Variants in ZFYVE9 observed in about 807,000 individuals in gnomAD.
ZFYVE9 encodes the protein zinc finger FYVE-type containing 9.
In ZFYVE9, 43 loss-of-function variants were observed where a neutral mutation model predicts 126.7. That is an observed-to-expected ratio of 0.34 (90% CI 0.27 to 0.44). ZFYVE9 has a LOEUF of 0.44. Among genes scored for constraint, ZFYVE9 ranks in the 20% least tolerant of loss-of-function variants. ZFYVE9 has a pLI of 1.00. For missense variants in ZFYVE9, 1,476 were observed against 1,697.0 expected (o/e 0.87, Z 2.29); for synonymous variants, 521 against 597.4 (o/e 0.87, Z 1.87).
intron 15 of ZFYVE9, among the ~76,000 whole-genome samples, chr1:52,337,112 GTTA>G (rs1646397296): frequency 1.3e-5 from 2 of 152,286 alleles, no homozygotes; most frequent in African/African-American, 4.8e-5. Context: ...CTATGAAATT[GTTA>G]TTGAGACTCT....
At chr1:52,253,889 C>T in intron 4 of ZFYVE9, 3 of 1,151,016 alleles carry the variant, frequency 2.6e-6, no homozygotes, top group Non-Finnish European at 4.0e-6. Flanking sequence ...GAAAGCTATA[C>T]TCCAAGCAAG....
intron 8 of ZFYVE9, among the ~76,000 whole-genome samples, chr1:52,275,272 C>T (rs1266241196): frequency 3.9e-5 from 6 of 152,042 alleles, no homozygotes; most frequent in Non-Finnish European, 1.5e-5. Flanking sequence ...GACAGGGTCT[C>T]TTTATCCAGT....
chr1:52,194,641 AAAAC>A (rs1402113333), intron 1 of ZFYVE9, among the ~76,000 whole-genome samples: 7 of 152,214 alleles, frequency 4.6e-5, no homozygotes, highest in Non-Finnish European at 7.4e-5. Context: ...TGAGGAAATA[AAAAC>A]AAACAGCATG....
intron 4 of ZFYVE9, among the ~76,000 whole-genome samples, chr1:52,263,134 T>A (rs1645596440): frequency 6.6e-6 from 1 of 151,306 alleles, no homozygotes; most frequent in Admixed American, 6.6e-5. Flanking sequence ...GAGATTGTTG[T>A]TGCCTGGTGT....
chr1:52,156,466 G>C (rs1379755339), intron 1 of ZFYVE9, among the ~76,000 whole-genome samples: 2 of 152,122 alleles, frequency 1.3e-5, no homozygotes, highest in Admixed American at 6.5e-5. Context: ...ACACAATTTT[G>C]GTTTTGATTT....
intron 1 of ZFYVE9, among the ~76,000 whole-genome samples, chr1:52,209,484 A>G (rs1360571872): frequency 6.6e-6 from 1 of 152,112 alleles, no homozygotes; most frequent in African/African-American, 2.4e-5. Context: ...ACCCATTAGT[A>G]GTCACACGCC....
chr1:52,232,362 G>A (rs1255443446), intron 2 of ZFYVE9, among the ~76,000 whole-genome samples: 2 of 152,146 alleles, frequency 1.3e-5, no homozygotes, highest in African/African-American at 4.8e-5. Flanking sequence ...TAGTGTATAT[G>A]CCCAAGGATG....
intron 13 of ZFYVE9, among the ~76,000 whole-genome samples, chr1:52,314,035 C>A (rs1646160853): frequency 6.6e-6 from 1 of 151,830 alleles, no homozygotes; most frequent in South Asian, 2.1e-4. Context: ...AGGTGGTGGA[C>A]CTAAAAAATA....
chr1:52,303,639 A>T (rs564722556), intron 12 of ZFYVE9, among the ~76,000 whole-genome samples, 182 bp from the exon 13 acceptor site: 1 of 152,340 alleles, frequency 6.6e-6, no homozygotes, highest in South Asian at 2.1e-4. Flanking sequence ...TACTTATAAG[A>T]GTTTAAAGAC....
chr1:52,264,783 C>T (rs1257615195), intron 5 of ZFYVE9, among the ~76,000 whole-genome samples: 3 of 152,168 alleles, frequency 2.0e-5, no homozygotes, highest in Non-Finnish European at 2.9e-5. Flanking sequence ...GCTTATTAAC[C>T]TGTTGCATGA....
chr1:52,235,126 A>AGCTGGGG (rs1645262154), intron 3 of ZFYVE9, among the ~76,000 whole-genome samples: 2 of 152,344 alleles, frequency 1.3e-5, no homozygotes, highest in South Asian at 4.1e-4. Context: ...TAGAAGGAGA[A>AGCTGGGG]GGATTTCTGA....
At position 52,293,547 on chromosome 1, in the gene ZFYVE9, C is replaced by T. The variant is rs557555379; in HGVS notation, c.3120C>T (p.Tyr1040=). 4.3e-6 allele frequency: 7 copies of T among 1,614,090 alleles called. No individual in the cohort carries two copies. The African/African-American group carries it at 8.0e-5, about 18-fold the overall frequency. The change falls in exon 11 of 19, where the codon TAC becomes TAT. Residue 1040 remains tyrosine (Y), a synonymous_variant. Transcript: ENST00000287727. ...HGGFLYVTST[Y]QSLQDLVLPT... is the part of the protein sequence containing the mutation. The stretch of plus-strand genomic sequence containing the variant: ...GATTCTTATATGTGACATCTACCTA[C>T]CAGTCACTGCAAGACCTAGTACTCC...
intron 2 of ZFYVE9, among the ~76,000 whole-genome samples, chr1:52,223,740 TC>T (rs1645145086): frequency 6.6e-6 from 1 of 152,182 alleles, no homozygotes; most frequent in South Asian, 2.1e-4. Context: ...CCTTTAATTA[TC>T]ATGTCCCTGA....
chr1:52,256,921 A>C (rs1645526118), intron 4 of ZFYVE9, among the ~76,000 whole-genome samples: 1 of 152,188 alleles, frequency 6.6e-6, no homozygotes, highest in Admixed American at 6.5e-5. Context: ...TGTTTTTATT[A>C]TTCTCACATC....
intron 1 of ZFYVE9, among the ~76,000 whole-genome samples, chr1:52,212,861 G>A (rs139032763): frequency 5.5e-4 from 83 of 152,286 alleles, no homozygotes; most frequent in African/African-American, 1.8e-3. Flanking sequence ...AGAACTATGT[G>A]ATTAATTATT....
intron 1 of ZFYVE9, among the ~76,000 whole-genome samples, chr1:52,184,364 G>A (rs1400953579): frequency 6.8e-6 from 1 of 146,192 alleles, no homozygotes. Context: ...GTAGCTGGGA[G>A]TACAGGCGCC....
At chr1:52,307,535 C>A (rs1477796740) in intron 13 of ZFYVE9, among the ~76,000 whole-genome samples, 2 of 152,122 alleles carry the variant, frequency 1.3e-5, no homozygotes, top group Admixed American at 1.3e-4. Flanking sequence ...CTGCGTTCAG[C>A]CCCCATAGTT....
chr1:52,165,701 T>G (rs1416310095), intron 1 of ZFYVE9, among the ~76,000 whole-genome samples: 1 of 152,214 alleles, frequency 6.6e-6, no homozygotes, highest in Non-Finnish European at 1.5e-5. Flanking sequence ...GTTAAGAGTT[T>G]AGAACCATTG....
intron 13 of ZFYVE9, among the ~76,000 whole-genome samples, chr1:52,325,316 A>G (rs1646280386): frequency 6.6e-6 from 1 of 152,134 alleles, no homozygotes; most frequent in Admixed American, 6.6e-5. Flanking sequence ...CGACAGAGCG[A>G]GACTCCATCT....
Sources: allele counts gnomAD v4.1 joint callset (sites outside exome capture counted in the v4.1 genomes callset), GRCh38; gene constraint gnomAD v4.1.1; transcripts MANE v1.5; gene names NCBI Gene and HGNC (gene_info 2026-07-23, HGNC 2026-07-21).